The following RAB12 variants were observed in gnomAD, a reference collection of about 807,000 sequenced individuals.
The protein encoded by RAB12 is ras-related protein Rab-12.
In RAB12, 11 loss-of-function variants were observed where a neutral mutation model predicts 28.4. The observed-to-expected ratio is 0.39, with a 90% CI of 0.24 to 0.64. The LOEUF (loss-of-function observed/expected upper bound fraction) is 0.64. Ranked by LOEUF, RAB12 falls within the 30% of genes least tolerant of loss-of-function variation. The probability of loss-of-function intolerance (pLI) is 0.50; values close to 1 mark genes in which losing one functional copy is unlikely to be tolerated. For missense variants in RAB12, 276 were observed against 351.1 expected (o/e 0.79, Z 1.71); for synonymous variants, 138 against 145.3 (o/e 0.95, Z 0.36).
chr18:8,610,527 A>G (rs1469256242), intron 1 of RAB12, among the ~76,000 whole-genome samples: 2 of 152,228 alleles, frequency 1.3e-5, no homozygotes, highest in East Asian at 3.8e-4. Flanking sequence ...CATGACCTCA[A>G]ACAACCCGGT....
chr18:8,610,998 CAG>C (rs2096003468), intron 1 of RAB12, among the ~76,000 whole-genome samples: 1 of 152,326 alleles, frequency 6.6e-6, no homozygotes. Context: ...TGTAACAAAA[CAG>C]TACTACATTT....
At chr18:8,622,548 A>G (rs1010587861) in intron 1 of RAB12, among the ~76,000 whole-genome samples, 1 of 152,232 alleles carries the variant, frequency 6.6e-6, no homozygotes, top group African/African-American at 2.4e-5. Context: ...CAGACATCAA[A>G]TACTTCACAA....
rs556864041 is a variant in RAB12, at chr18:8,625,519, G to A, written c.575+521G>A. Among the ~76,000 whole-genome samples, 3 of 152,244 alleles carry A rather than the reference G, an allele frequency of 2.0e-5. No individual in the cohort carries two copies. In the East Asian group the frequency reaches 5.8e-4, roughly 29 times the overall value. On this transcript the variant is annotated intron_variant, in intron 2 of 5. Transcript: ENST00000649141. The stretch of plus-strand genomic sequence containing the variant: ...CCACGGGATGTGAGCCCCCACTAAT[G>A]CCTACTAGAAATGAATCCAGGCCCC...
At chr18:8,613,658 T>C (rs1175160383) in intron 1 of RAB12, among the ~76,000 whole-genome samples, 4 of 152,208 alleles carry the variant, frequency 2.6e-5, no homozygotes, top group Non-Finnish European at 5.9e-5. Context: ...TTTGTTTAGG[T>C]TGAAATGGTT....
intron 5 of RAB12, among the ~76,000 whole-genome samples, chr18:8,637,278 TA>T (rs11375791): frequency 2.4e-3 from 352 of 143,946 alleles, no homozygotes; most frequent in Non-Finnish European, 2.8e-3. Context: ...TGTCTCTATT[TA>T]AAAAAAAAAA....
intron 1 of RAB12, among the ~76,000 whole-genome samples, chr18:8,613,942 T>C (rs1184789983): frequency 6.6e-6 from 1 of 152,152 alleles, no homozygotes; most frequent in Non-Finnish European, 1.5e-5. Context: ...TATCCCCGTT[T>C]TACAGATGAG....
chr18:8,634,036 A>G (rs1320620013), intron 3 of RAB12, among the ~76,000 whole-genome samples: 1 of 152,040 alleles, frequency 6.6e-6, no homozygotes, highest in Non-Finnish European at 1.5e-5. Flanking sequence ...TGCAATATAA[A>G]TTGGATTTTA....
intron 1 of RAB12, 134 bp downstream of exon 1, chr18:8,610,087 G>T (rs1234960580): frequency 3.0e-6 from 2 of 664,852 alleles, no homozygotes; most frequent in Admixed American, 3.0e-5. Flanking sequence ...AGGGGCGGGG[G>T]TCTCCTTGGA....
rs1291649078 is a variant in RAB12 at position 8,609,832 on chromosome 18, C to T, written c.393C>T (p.Pro131=). 1 of 1,566,476 alleles carries T rather than the reference C, an allele frequency of 6.4e-7. No individual in the cohort carries two copies. The highest frequency in any genetic ancestry group is 1.8e-5 in the Admixed American group (1 of 54,712). The change falls in exon 1 of 6, where the codon CCC becomes CCT. Residue 131 remains proline (P), a synonymous_variant. Coordinates refer to ENST00000649141, the MANE Select transcript of RAB12 (RefSeq NM_001025300.3). ...GCCAGGGCCGCCGGAGGAAGCAGCC[C>T]CCCAGGCCGGCCGACTTCAAGTTGC... ...SGGQGRRRKQ[P]PRPADFKLQV...
chr18:8,635,333 GC>G (rs2096018258), intron 3 of RAB12, 199 bp from the exon 4 acceptor site: 1 of 444,002 alleles, frequency 2.3e-6, no homozygotes, highest in South Asian at 3.3e-5. Context: ...TAATGCCTGT[GC>G]CCTAGTTCTT....
At chr18:8,634,678 C>T (rs2096017911) in intron 3 of RAB12, among the ~76,000 whole-genome samples, 1 of 151,792 alleles carries the variant, frequency 6.6e-6, no homozygotes, top group South Asian at 2.1e-4. Context: ...AGCATCATTT[C>T]CTGAGTGCGG....
intron 1 of RAB12, among the ~76,000 whole-genome samples, chr18:8,622,913 G>C (rs1172047150): frequency 1.3e-5 from 2 of 152,158 alleles, no homozygotes; most frequent in Non-Finnish European, 2.9e-5. Flanking sequence ...TCTCCCATTT[G>C]CTTTTGAAAG....
rs963351579 is a variant in RAB12 at position 8,633,464 on chromosome 18, C to T, written c.714+137C>T. ...CATCATTTAGCCCATATATAGCCTT[C>T]GGGATAGGGATGTAGTCCTGTATTG... is the stretch of plus-strand genomic sequence containing the variant. On this transcript the variant is annotated intron_variant, in intron 3 of 5. Transcript: ENST00000649141. 4.2e-6 allele frequency: 4 copies of T among 956,280 alleles called. No homozygotes were observed. In the South Asian group the frequency reaches 6.4e-5, roughly 15 times the overall value. 59.2% of individuals were successfully genotyped at this position (956,280 alleles called of 1,614,324 possible).
At position 8,609,625 on chromosome 18, in the gene RAB12, C is replaced by A. The variant is rs1043796915; in HGVS notation, c.186C>A (p.Asp62Glu). ...GGGCGGAAGCCGAGCCCGGGGCCGA[C>A]CCCCCGCGCGCGGCGGAGGCCGAGG... ...LQRAEAEPGA[D>E]PPRAAEAEGA... The change falls in exon 1 of 6, where the codon GAC becomes GAA. Residue 62 changes from aspartate (D) to glutamate (E), a missense_variant. By Grantham distance (45) the Asp-to-Glu change is conservative. Transcript: ENST00000649141. 3 of 468,728 alleles carry A rather than the reference C, an allele frequency of 6.4e-6. No individual in the cohort carries two copies. Among genetic ancestry groups the A allele is most frequent in the Non-Finnish European group, 8.3e-6 (3 of 360,618 alleles). The allele number at this position is 468,728 out of a possible 1,614,324, so 29.0% of individuals were successfully genotyped here.
At chr18:8,631,830 GAAAT>G (rs1211313715) in intron 2 of RAB12, among the ~76,000 whole-genome samples, 1 of 151,816 alleles carries the variant, frequency 6.6e-6, no homozygotes, top group Non-Finnish European at 1.5e-5. Flanking sequence ...TATGAGGTAA[GAAAT>G]AAAAAATTAC....
chr18:8,622,810 C>T (rs1296504404), intron 1 of RAB12, among the ~76,000 whole-genome samples: 4 of 152,074 alleles, frequency 2.6e-5, no homozygotes, highest in Admixed American at 1.3e-4. Flanking sequence ...ACGGCCACGC[C>T]CAGGGCCCCC....
intron 2 of RAB12, among the ~76,000 whole-genome samples, chr18:8,632,049 A>T (rs2096016265): frequency 6.6e-6 from 1 of 152,142 alleles, no homozygotes; most frequent in East Asian, 1.9e-4. Flanking sequence ...TGGGAGGCCA[A>T]GGCAGGTGGA....
At chr18:8,630,758 G>GGAGCA (rs1466012531) in intron 2 of RAB12, among the ~76,000 whole-genome samples, 1 of 152,220 alleles carries the variant, frequency 6.6e-6, no homozygotes, top group Non-Finnish European at 1.5e-5. Context: ...AGATTTCAAA[G>GGAGCA]GAGCAGTTGG....
intron 4 of RAB12, 131 bp from the exon 5 acceptor site, chr18:8,636,122 C>G: frequency 1.5e-6 from 1 of 665,840 alleles, no homozygotes; most frequent in Non-Finnish European, 2.7e-6. Context: ...TGAACTTTAT[C>G]TTTGAGCGTC....
Sources: allele counts gnomAD v4.1 joint callset (sites outside exome capture counted in the v4.1 genomes callset), GRCh38; gene constraint gnomAD v4.1.1; transcripts MANE v1.5; gene names NCBI Gene and HGNC (gene_info 2026-07-23, HGNC 2026-07-21).